Variants in TMEM132C observed in about 807,000 individuals in gnomAD.
The protein encoded by TMEM132C is transmembrane protein 132C, also known as protein phosphatase 1, regulatory subunit 152.
TMEM132C carries 29 observed loss-of-function variants against 61.4 expected under a neutral mutation model. The observed-to-expected ratio is 0.47, with a 90% CI of 0.35 to 0.64. The LOEUF is 0.64. Ranked by LOEUF, TMEM132C falls within the 30% of genes least tolerant of loss-of-function variation. The pLI is 0.00. For synonymous variants in TMEM132C, 656 were observed against 633.1 expected, an observed-to-expected ratio of 1.04 and a Z score of -0.54; for missense variants, 1,408 against 1,476.9, an observed-to-expected ratio of 0.95 and a Z score of 0.76.
intron 3 of TMEM132C, among the ~76,000 whole-genome samples, chr12:128,578,589 TTTG>T (rs149602264): frequency 0.011 from 1,694 of 152,028 alleles, 15 homozygotes; most frequent in Middle Eastern, 0.058. Flanking sequence ...TAAAGAGGTT[TTTG>T]TTGTTGTTGT....
intron 2 of TMEM132C, among the ~76,000 whole-genome samples, chr12:128,469,639 T>TG (rs1870868089): frequency 1.3e-5 from 2 of 150,450 alleles, no homozygotes; most frequent in South Asian, 2.1e-4. Context: ...TGTGTGTGTG[T>TG]TTGTGTGTGT....
chr12:128,393,708 C>T lies in TMEM132C; in HGVS notation c.86-21024C>T, dbSNP rs184132648. 1.1e-4 allele frequency among the ~76,000 whole-genome samples: 16 copies of T among 152,304 alleles called. No homozygotes were observed. In the East Asian group the frequency reaches 2.9e-3, roughly 28 times the overall value. On this transcript the variant is annotated intron_variant, in intron 1 of 8. Transcript: ENST00000435159. ...GGGGGACCCAGTTCCTGCTGTTATT[C>T]CATTCAGTTATCCTCAGCATGAGCT...
chr12:128,316,123 G>C (rs959935537), intron 1 of TMEM132C, among the ~76,000 whole-genome samples: 48 of 151,904 alleles, frequency 3.2e-4, no homozygotes, highest in Admixed American at 3.1e-3. Flanking sequence ...TACTTTTGTA[G>C]GTTTATTTTG....
chr12:128,510,993 C>T (rs1049062084), intron 2 of TMEM132C, among the ~76,000 whole-genome samples: 2 of 152,214 alleles, frequency 1.3e-5, no homozygotes, highest in African/African-American at 2.4e-5. Context: ...TAGCTGTTCC[C>T]TTCCAGGTCC....
chr12:128,314,307 A>G (rs1872076263), intron 1 of TMEM132C, among the ~76,000 whole-genome samples: 1 of 151,788 alleles, frequency 6.6e-6, no homozygotes, highest in African/African-American at 2.4e-5. Flanking sequence ...TATAAGGAAC[A>G]ATCTTTAATT....
chr12:128,334,635 A>G (rs1593014849), intron 1 of TMEM132C, among the ~76,000 whole-genome samples: 1 of 146,290 alleles, frequency 6.8e-6, no homozygotes, highest in Non-Finnish European at 1.5e-5. Context: ...TTGCTCTGTC[A>G]CCCAGGCTGG....
In TMEM132C at chr12:128,415,674, G is replaced by T; in HGVS notation, c.974+54G>T. The T allele has an allele frequency of 2.1e-6, 3 of 1,454,494 alleles. No individual in the cohort carries two copies. The highest frequency in any genetic ancestry group is 2.7e-6 in the Non-Finnish European group (3 of 1,094,348). The allele number at this position is 1,454,494 out of a possible 1,614,324, so 90.1% of individuals were successfully genotyped here. A position where few individuals can be genotyped will look rare whatever the true frequency, so the allele number is the denominator to read the frequency against. On this transcript the variant is annotated intron_variant, in intron 2 of 8. Coordinates refer to ENST00000435159, the MANE Select transcript of TMEM132C (RefSeq NM_001136103.3). This position sits in a 1 kb window ranked among gnomAD's most constrained non-coding sequence, Gnocchi z 5.8. The stretch of plus-strand genomic sequence containing the variant: ...CTTTGGCATGCCTGGTGTGAGACTG[G>T]GTTCCATGCGTGGCAGATAGATATT...
rs115886371 is a variant in TMEM132C, at chr12:128,656,481, C to T, written c.1306-12936C>T. Among the ~76,000 whole-genome samples, 810 of 152,324 alleles carry T rather than the reference C, an allele frequency of 5.3e-3. 7 individuals carry two copies. Among genetic ancestry groups the T allele is most frequent in the African/African-American group, 0.018 (760 of 41,572 alleles). ...AAGAAATGCCCCACTTACTGAGTTTCGTTCTCATTAAGGAGATTTTCTAAA... is the reference window on the plus strand; with the variant it reads ...AAGAAATGCCCCACTTACTGAGTTTTGTTCTCATTAAGGAGATTTTCTAAA... On this transcript the variant is annotated intron_variant, in intron 4 of 8. Coordinates refer to ENST00000435159, the MANE Select transcript of TMEM132C (RefSeq NM_001136103.3).
intron 1 of TMEM132C, among the ~76,000 whole-genome samples, chr12:128,308,214 T>C (rs1408800031): frequency 2.0e-5 from 3 of 152,202 alleles, no homozygotes; most frequent in African/African-American, 7.2e-5. Context: ...TCCAGTCTCT[T>C]TGGGACCCAG....
intron 4 of TMEM132C, among the ~76,000 whole-genome samples, chr12:128,632,013 G>C (rs570027426): frequency 6.6e-6 from 1 of 152,142 alleles, no homozygotes; most frequent in African/African-American, 2.4e-5. Context: ...AAGGGGGGCT[G>C]ACAAACCCCA....
intron 2 of TMEM132C, among the ~76,000 whole-genome samples, chr12:128,535,424 C>T (rs542596627): frequency 2.0e-5 from 3 of 152,192 alleles, no homozygotes; most frequent in Non-Finnish European, 4.4e-5. Context: ...AAAAAGTGGG[C>T]GAAGGATATG....
rs1246600861 is a variant in TMEM132C, at chr12:128,379,667, C to G, written c.86-35065C>G. Among the ~76,000 whole-genome samples, 6 of 152,186 alleles carry G rather than the reference C, an allele frequency of 3.9e-5. 1 individual carries two copies. The East Asian group carries it at 1.2e-3, about 29-fold the overall frequency. On this transcript the variant is annotated intron_variant, in intron 1 of 8. Coordinates refer to ENST00000435159, the MANE Select transcript of TMEM132C (RefSeq NM_001136103.3). ...TCTTTTCTTCCTCTGGAAAAGGACA[C>G]CTGTCATTGGATTAAGAGTCCATTC...
chr12:128,531,853 G>A (rs4882781), intron 2 of TMEM132C, among the ~76,000 whole-genome samples: 60,324 of 151,944 alleles, frequency 0.4, 14,686 homozygotes, highest in African/African-American at 0.68. Flanking sequence ...CCACTGGCAG[G>A]TCACCTGTAC....
At chr12:128,312,751 A>G (rs1167138624) in intron 1 of TMEM132C, among the ~76,000 whole-genome samples, 1 of 152,210 alleles carries the variant, frequency 6.6e-6, no homozygotes, top group Non-Finnish European at 1.5e-5. Context: ...TCTGGCCTCT[A>G]GAACTGTGAG....
At chr12:128,579,941 A>C (rs928157930) in intron 3 of TMEM132C, among the ~76,000 whole-genome samples, 1 of 118,576 alleles carries the variant, frequency 8.4e-6, no homozygotes, top group Admixed American at 8.4e-5. Flanking sequence ...AGGTGACTAA[A>C]ATTTAAGTAA....
At position 128,693,983 on chromosome 12, in the gene TMEM132C, C is replaced by G; in HGVS notation, c.1604C>G (p.Thr535Arg). 2 of 1,551,726 alleles carry G rather than the reference C, an allele frequency of 1.3e-6. No individual in the cohort carries two copies. Among genetic ancestry groups the G allele is most frequent in the South Asian group, 2.4e-5 (2 of 84,056 alleles). The change falls in exon 6 of 9, where the codon ACG becomes AGG. Residue 535 changes from threonine (T) to arginine (R), a missense_variant. Transcript: ENST00000435159. ...CCCCTGCAGATCGAGGTCTCTGACA[C>G]GGAGCTCAGCCAGATAAAGGGCTGG... ...RLPLQIEVSD[T>R]ELSQIKGWRV...
Position 128,342,707 on chromosome 12 carries a change from C to T in TMEM132C, c.86-72025C>T, listed in dbSNP as rs988527714. ...TCTTTTCATCCTGCTTTGATCCTTCCCAGGGAGGGCAGAGAAGGAATTCTG... is the reference window on the plus strand; with the variant it reads ...TCTTTTCATCCTGCTTTGATCCTTCTCAGGGAGGGCAGAGAAGGAATTCTG... On this transcript the variant is annotated intron_variant, in intron 1 of 8. Transcript: ENST00000435159. Among the ~76,000 whole-genome samples, 10 of 152,240 alleles carry T rather than the reference C, an allele frequency of 6.6e-5. 1 individual carries two copies. Among genetic ancestry groups the T allele is most frequent in the Admixed American group, 2.0e-4 (3 of 15,282 alleles).
intron 1 of TMEM132C, among the ~76,000 whole-genome samples, chr12:128,271,553 A>G (rs1479806697): frequency 6.6e-6 from 1 of 152,168 alleles, no homozygotes; most frequent in Admixed American, 6.5e-5. Context: ...AGGATTTCCA[A>G]CTTCTCTCAA....
At chr12:128,564,811 T>C (rs1874640904) in intron 3 of TMEM132C, among the ~76,000 whole-genome samples, 1 of 152,172 alleles carries the variant, frequency 6.6e-6, no homozygotes, top group Non-Finnish European at 1.5e-5. Flanking sequence ...GAGCTGCTGA[T>C]ATTAGGAAAG....
Sources: gnomAD v4.1 joint callset for allele counts (sites outside exome capture counted in the v4.1 genomes callset) on GRCh38, gnomAD v4.1.1 for gene constraint, Gnocchi (gnomAD v3.1) non-coding constraint, MANE v1.5 for transcripts, NCBI Gene and HGNC (gene_info 2026-07-23, HGNC 2026-07-21) for gene names.